Variants in FGF6 observed in about 807,000 individuals in gnomAD.
FGF6 encodes the protein fibroblast growth factor 6.
Under a neutral mutation model 18.4 loss-of-function variants are expected in FGF6, and 14 were observed. That is an observed-to-expected ratio of 0.76 (90% CI 0.50 to 1.19). The LOEUF (loss-of-function observed/expected upper bound fraction) is 1.19, where lower values mean the gene tolerates loss of function less well. FGF6 is among the 50% of genes most tolerant of loss of function. The probability of loss-of-function intolerance (pLI) is 0.00; values close to 1 mark genes in which losing one functional copy is unlikely to be tolerated. For missense variants in FGF6, 266 were observed against 271.6 expected, an observed-to-expected ratio of 0.98 and a Z score of 0.15; for synonymous variants, 125 against 116.7, an observed-to-expected ratio of 1.07 and a Z score of -0.46.
intron 2 of FGF6, among the ~76,000 whole-genome samples, chr12:4,436,031 AAAAC>A (rs1455921980): frequency 2.0e-5 from 3 of 152,174 alleles, no homozygotes; most frequent in Non-Finnish European, 2.9e-5. Flanking sequence ...AGTATAAAAA[AAAAC>A]CCGCTCGATG....
At chr12:4,438,465 G>A (rs1865648821) in intron 2 of FGF6, among the ~76,000 whole-genome samples, 1 of 152,086 alleles carries the variant, frequency 6.6e-6, no homozygotes, top group Non-Finnish European at 1.5e-5. Context: ...CAAAAACAAT[G>A]TATCTATTAA....
At chr12:4,434,553 G>C (rs989758956) in intron 2 of FGF6, among the ~76,000 whole-genome samples, 162 bp from the exon 3 acceptor site, 10 of 152,078 alleles carry the variant, frequency 6.6e-5, no homozygotes, top group Admixed American at 6.5e-5. Context: ...ACAGAATGGT[G>C]AAAGGTTAGG....
At chr12:4,436,598 CAG>C (rs1180477370) in intron 2 of FGF6, among the ~76,000 whole-genome samples, 5 of 152,080 alleles carry the variant, frequency 3.3e-5, no homozygotes, top group African/African-American at 1.2e-4. Context: ...GCCTGGGTGA[CAG>C]AGTGAGGCCC....
chr12:4,435,891 T>TG (rs1450141774), intron 2 of FGF6, among the ~76,000 whole-genome samples: 1 of 151,916 alleles, frequency 6.6e-6, no homozygotes, highest in Non-Finnish European at 1.5e-5. Flanking sequence ...CCTGCTCTTG[T>TG]GGGGAAGCAG....
chr12:4,445,373 A>T lies in FGF6; in HGVS notation c.198T>A (p.Ala66=), dbSNP rs747523579. ...TLLSRSRAGL[A]GEIAGVNWES... is the part of the protein sequence containing the mutation. ...CCCAGTTCACCCCGGCAATCTCTCC[A>T]GCTAGCCCGGCGCGAGACCTGGACA... The change falls in exon 1 of 3, where the codon GCT becomes GCA. Residue 66 remains alanine (A), a synonymous_variant. Coordinates refer to ENST00000228837, the MANE Select transcript of FGF6 (RefSeq NM_020996.3). This position sits in a 1 kb window ranked among gnomAD's most constrained non-coding sequence, Gnocchi z 5.5. 3 of 1,613,948 alleles carry T rather than the reference A, an allele frequency of 1.9e-6. No individual in the cohort carries two copies. In the East Asian group the frequency reaches 6.7e-5, roughly 36 times the overall value.
In FGF6 at chr12:4,438,952, A is replaced by T. The variant is rs193133303; in HGVS notation, c.451-4561T>A. Among the ~76,000 whole-genome samples the T allele has an allele frequency of 7.4e-4, 113 of 152,196 alleles. 1 individual carries two copies. Among genetic ancestry groups the T allele is most frequent in the African/African-American group, 2.6e-3 (106 of 41,522 alleles). On this transcript the variant is annotated intron_variant, in intron 2 of 2. Coordinates refer to ENST00000228837, the MANE Select transcript of FGF6 (RefSeq NM_020996.3). ...TACGCTCTTGTTTGTGTGATTTTTTAAAAAAGATGATACCGGTGCGTGCAC... is the reference window on the plus strand; with the variant it reads ...TACGCTCTTGTTTGTGTGATTTTTTTAAAAAGATGATACCGGTGCGTGCAC...
chr12:4,440,526 G>A (rs1490308970), intron 2 of FGF6, among the ~76,000 whole-genome samples: 1 of 152,248 alleles, frequency 6.6e-6, no homozygotes, highest in African/African-American at 2.4e-5. Context: ...ACTTTCTTCT[G>A]TAGCCCCTGA....
chr12:4,436,951 G>C (rs140311986), intron 2 of FGF6, among the ~76,000 whole-genome samples: 1 of 152,328 alleles, frequency 6.6e-6, no homozygotes, highest in East Asian at 1.9e-4. Context: ...ATGGATGAAT[G>C]AAGGGATGTC....
At chr12:4,443,080 G>A (rs949278200) in intron 2 of FGF6, among the ~76,000 whole-genome samples, 9 of 152,184 alleles carry the variant, frequency 5.9e-5, no homozygotes, top group Non-Finnish European at 8.8e-5. Context: ...AGTGCATGCC[G>A]TATGTCCACA....
At position 4,445,640 on chromosome 12, in the gene FGF6, C is replaced by G; in HGVS notation, c.-70G>C. On this transcript the variant is annotated 5_prime_UTR_variant, in exon 1 of 3. Transcript: ENST00000228837. The surrounding 1 kb of genome is among the most constrained non-coding windows in gnomAD (Gnocchi z 5.5). Reference sequence around the variant, plus strand: ...AATACCGCCCTTCTTGTTTTTCTCCCTCCGGCATGGCGGCAGGGGCTTATT... The same window carrying G: ...AATACCGCCCTTCTTGTTTTTCTCCGTCCGGCATGGCGGCAGGGGCTTATT... 2 of 1,298,362 alleles carry G rather than the reference C, an allele frequency of 1.5e-6. No homozygotes were observed. Among genetic ancestry groups the G allele is most frequent in the South Asian group, 1.5e-5 (1 of 68,002 alleles). The allele number at this position is 1,298,362 out of a possible 1,614,324, so 80.4% of individuals were successfully genotyped here.
intron 2 of FGF6, among the ~76,000 whole-genome samples, chr12:4,434,970 A>C (rs1865611395): frequency 6.6e-6 from 1 of 151,942 alleles, no homozygotes; most frequent in African/African-American, 2.4e-5. Context: ...GAGGGGGAGG[A>C]GACACAAGTG....
Position 4,438,777 on chromosome 12 carries a change from A to G in FGF6, c.451-4386T>C, listed in dbSNP as rs866345499. On this transcript the variant is annotated intron_variant, in intron 2 of 2. Coordinates refer to ENST00000228837, the MANE Select transcript of FGF6 (RefSeq NM_020996.3). ...AAAAAAAAAAAAAAAAAAAAAAAAA[A>G]AGAGGAGTAACTAACTCAATTATGG... Among the ~76,000 whole-genome samples the G allele has an allele frequency of 1.0e-3, 157 of 150,776 alleles. 1 individual carries two copies. Among genetic ancestry groups the G allele is most frequent in the African/African-American group, 3.6e-3 (150 of 41,156 alleles).
At chr12:4,438,411 C>G (rs1865648289) in intron 2 of FGF6, among the ~76,000 whole-genome samples, 1 of 151,982 alleles carries the variant, frequency 6.6e-6, no homozygotes, top group Non-Finnish European at 1.5e-5. Context: ...TGATATATTC[C>G]CACACACGCA....
intron 2 of FGF6, among the ~76,000 whole-genome samples, chr12:4,438,905 G>T (rs1865654992): frequency 6.6e-6 from 1 of 152,100 alleles, no homozygotes; most frequent in South Asian, 2.1e-4. Flanking sequence ...AAGACACAAG[G>T]TTTGAAAAAG....
In FGF6 at chr12:4,445,304, G is replaced by A. The variant is rs2137032523; in HGVS notation, c.267C>T (p.Tyr89=). 6.2e-7 allele frequency: 1 copy of A among 1,614,094 alleles called. No homozygotes were observed. Among genetic ancestry groups the A allele is most frequent in the Non-Finnish European group, 8.5e-7 (1 of 1,180,036 alleles). The change falls in exon 1 of 3, where the codon TAC becomes TAT. Residue 89 remains tyrosine (Y), a synonymous_variant. Coordinates refer to ENST00000228837, the MANE Select transcript of FGF6 (RefSeq NM_020996.3). The surrounding 1 kb of genome is among the most constrained non-coding windows in gnomAD (Gnocchi z 5.5). ...GGTGAAAGCCGATGCCCACGTTGCA[G>A]TAGAGCCTCCGCTGCCGCTTGATCC... ...LVGIKRQRRL[Y]CNVGIGFHLQ...
rs1232399459 is a variant in FGF6, at chr12:4,445,623, CCTT to C, written c.-56_-54del. 7.1e-6 allele frequency: 10 copies of C among 1,411,814 alleles called. No homozygotes were observed. Among genetic ancestry groups the C allele is most frequent in the Non-Finnish European group, 9.5e-6 (10 of 1,050,890 alleles). 87.5% of individuals were successfully genotyped at this position (1,411,814 alleles called of 1,614,324 possible). On this transcript the variant is annotated 5_prime_UTR_variant, in exon 1 of 3. Coordinates refer to ENST00000228837, the MANE Select transcript of FGF6 (RefSeq NM_020996.3). The surrounding 1 kb of genome is among the most constrained non-coding windows in gnomAD (Gnocchi z 5.5). ...GAATTAATGGCCCTAAAAATACCGCCCTTCTTGTTTTTCTCCCTCCGGCATGGC... is the reference window on the plus strand; with the variant it reads ...GAATTAATGGCCCTAAAAATACCGCCCTTGTTTTTCTCCCTCCGGCATGGC...
chr12:4,435,762 A>G (rs1389662799), intron 2 of FGF6, among the ~76,000 whole-genome samples: 5 of 151,992 alleles, frequency 3.3e-5, no homozygotes, highest in Admixed American at 6.6e-5. Context: ...TTCCTGTCAC[A>G]TGAACGCTGG....
At chr12:4,442,643 G>T (rs554274707) in intron 2 of FGF6, among the ~76,000 whole-genome samples, 45 of 152,184 alleles carry the variant, frequency 3.0e-4, no homozygotes, top group Non-Finnish European at 1.0e-4. Flanking sequence ...CATTATGCAG[G>T]CTGGGAAGAA....
rs190155357 is a variant in FGF6 at position 4,440,752 on chromosome 12, C to A, written c.450+3381G>T. ...GGCCCTGCATAAGGGCATGCACCTC[C>A]CGCTGCTCTCCAGCCCCATCTCCCA... On this transcript the variant is annotated intron_variant, in intron 2 of 2. Coordinates refer to ENST00000228837, the MANE Select transcript of FGF6 (RefSeq NM_020996.3). Among the ~76,000 whole-genome samples the A allele has an allele frequency of 4.7e-4, 71 of 152,334 alleles. No individual in the cohort carries two copies. In the East Asian group the frequency reaches 0.012, roughly 25 times the overall value.
Sources: gnomAD v4.1 joint callset for allele counts (sites outside exome capture counted in the v4.1 genomes callset) on GRCh38, gnomAD v4.1.1 for gene constraint, Gnocchi (gnomAD v3.1) non-coding constraint, MANE v1.5 for transcripts, NCBI Gene and HGNC (gene_info 2026-07-23, HGNC 2026-07-21) for gene names.